CIT: variants seen among roughly 807,000 people sequenced by gnomAD.
CIT encodes the protein citron rho-interacting serine/threonine kinase.
CIT carries 79 observed loss-of-function variants against 272.7 expected under a neutral mutation model. The observed-to-expected ratio is 0.29, with a 90% CI of 0.24 to 0.35. CIT has a LOEUF of 0.35. Ranked by LOEUF, CIT falls within the 10% of genes least tolerant of loss-of-function variation. The probability of loss-of-function intolerance (pLI) is 1.00; values close to 1 mark genes in which losing one functional copy is unlikely to be tolerated. For missense variants in CIT, 1,909 were observed against 2,618.3 expected (o/e 0.73, Z 5.91); for synonymous variants, 948 against 995.6 (o/e 0.95, Z 0.90).
At chr12:119,798,380 T>C (rs547707693) in intron 10 of CIT, among the ~76,000 whole-genome samples, 57 of 152,332 alleles carry the variant, frequency 3.7e-4, no homozygotes, top group African/African-American at 1.3e-3. Flanking sequence ...CACTCAAAGC[T>C]ACATAACTTT....
chr12:119,764,408 AAT>A (rs1962167221), intron 19 of CIT, among the ~76,000 whole-genome samples: 1 of 152,200 alleles, frequency 6.6e-6, no homozygotes, highest in African/African-American at 2.4e-5. Flanking sequence ...ACCCAAATAG[AAT>A]GTCTAGAAGT....
chr12:119,872,558 TAA>T (rs1221180295), intron 2 of CIT, among the ~76,000 whole-genome samples: 2 of 152,164 alleles, frequency 1.3e-5, no homozygotes, highest in African/African-American at 4.8e-5. Context: ...ATCTCAGCAT[TAA>T]AAAGAGATGA....
At position 119,686,501 on chromosome 12, in the gene CIT, A is replaced by G. The variant is rs1206549499; in HGVS notation, c.*1731T>C. On this transcript the variant is annotated 3_prime_UTR_variant, in exon 48 of 48. Transcript: ENST00000392521. The stretch of plus-strand genomic sequence containing the variant: ...AGGCGTTTCAAACAAGAAAGCACTT[A>G]GGTTAAGACACGAGCAGGAAGGAGC... 6.6e-6 allele frequency: 1 copy of G among 152,302 alleles called. No homozygotes were observed. Among genetic ancestry groups the G allele is most frequent in the Non-Finnish European group, 1.5e-5 (1 of 68,086 alleles). 9.4% of individuals were successfully genotyped at this position (152,302 alleles called of 1,614,324 possible).
At chr12:119,815,976 C>T (rs1248492142) in intron 9 of CIT, among the ~76,000 whole-genome samples, 1 of 152,216 alleles carries the variant, frequency 6.6e-6, no homozygotes, top group East Asian at 1.9e-4. Context: ...GTCAGGGAGA[C>T]CTGAGTTTGA....
Position 119,822,737 on chromosome 12 carries a change from T to C in CIT, c.1111+83A>G, listed in dbSNP as rs79086492. 2,004 of 1,450,082 alleles carry C rather than the reference T, an allele frequency of 1.4e-3. 25 individuals carry two copies. The African/African-American group carries it at 0.026, about 19-fold the overall frequency. The allele number at this position is 1,450,082 out of a possible 1,614,324, so 89.8% of individuals were successfully genotyped here. On this transcript the variant is annotated intron_variant, in intron 9 of 47. Coordinates refer to ENST00000392521, the MANE Select transcript of CIT (RefSeq NM_001206999.2). ...TTTATTTATGTAATTTACAGAAGCT[T>C]CTTTGGGCCAGAACAATCTCAGATC...
intron 5 of CIT, among the ~76,000 whole-genome samples, chr12:119,849,839 C>G (rs993717584): frequency 2.6e-5 from 4 of 152,082 alleles, no homozygotes; most frequent in African/African-American, 9.7e-5. Context: ...GCACCCGACA[C>G]CATGCCCGGC....
In CIT at chr12:119,712,659, A is replaced by G. The variant is rs973971201; in HGVS notation, c.4616T>C (p.Leu1539Pro). 3.7e-5 allele frequency: 59 copies of G among 1,614,066 alleles called. No individual in the cohort carries two copies. The highest frequency in any genetic ancestry group is 5.0e-5 in the Non-Finnish European group (59 of 1,180,030). ...ATGAATAGATACATCCCCGTCGGGA[A>G]GGCACAGCTCAAATTCTTCCACCGG... The part of the protein sequence containing the change: ...QRPVEEFELC[L>P]PDGDVSIHGA... The change falls in exon 36 of 48, where the codon CTT becomes CCT. Residue 1539 changes from leucine (L) to proline (P), a missense_variant. Leu to Pro is a moderately conservative substitution (Grantham distance 98). This residue lies in a region of CIT where 780 missense variants were observed against 1,067.2 expected (regional missense o/e 0.73). Transcript: ENST00000392521. This position sits in a 1 kb window ranked among gnomAD's most constrained non-coding sequence, Gnocchi z 5.2.
chr12:119,860,316 C>A lies in CIT; in HGVS notation c.239-2618G>T, dbSNP rs992786118. Among the ~76,000 whole-genome samples, 19 of 152,224 alleles carry A rather than the reference C, an allele frequency of 1.2e-4. No individual in the cohort carries two copies. The East Asian group carries it at 3.7e-3, about 29-fold the overall frequency. On this transcript the variant is annotated intron_variant, in intron 3 of 47. Coordinates refer to ENST00000392521, the MANE Select transcript of CIT (RefSeq NM_001206999.2). ...AACCAGGCAAGAGTGGTGGGTGGAT[C>A]CACATGAAGTCGTGACCACTGTAAA...
At chr12:119,830,552 A>G (rs1205744463) in intron 7 of CIT, among the ~76,000 whole-genome samples, 1 of 152,192 alleles carries the variant, frequency 6.6e-6, no homozygotes, top group East Asian at 1.9e-4. Context: ...CTAATTAATT[A>G]GCTTTCTGAT....
chr12:119,757,713 G>A (rs1005730079), intron 21 of CIT, among the ~76,000 whole-genome samples, 168 bp from the exon 22 acceptor site: 1 of 152,158 alleles, frequency 6.6e-6, no homozygotes, highest in Non-Finnish European at 1.5e-5. Flanking sequence ...GCATGATCCC[G>A]GCATGACGAA....
intron 23 of CIT, among the ~76,000 whole-genome samples, chr12:119,746,049 C>A (rs1422474721): frequency 6.6e-6 from 1 of 152,104 alleles, no homozygotes; most frequent in Non-Finnish European, 1.5e-5. Flanking sequence ...CTGTGGCTAT[C>A]TGCACTATGT....
chr12:119,847,071 G>C (rs989145102), intron 5 of CIT, among the ~76,000 whole-genome samples: 1 of 151,394 alleles, frequency 6.6e-6, no homozygotes. Flanking sequence ...TGCAAGCTCC[G>C]CCTCCCAGGT....
Position 119,712,237 on chromosome 12 carries a change from C to T in CIT, c.4795G>A (p.Ala1599Thr), listed in dbSNP as rs753926457. 5 of 1,613,686 alleles carry T rather than the reference C, an allele frequency of 3.1e-6. No homozygotes were observed. The highest frequency in any genetic ancestry group is 1.1e-5 in the South Asian group (1 of 91,000). ...CCACCTGCGACAACTGATTCTAAGG[C>T]GGTGACCCAGCGCTGTTTGTCAGGG... ...SFPDKQRWVT[A>T]LESVVAGGRV... is the part of the protein sequence containing the mutation. The change falls in exon 37 of 48, where the codon GCC (alanine) becomes ACC (threonine). Residue 1599 changes from alanine to threonine, a missense_variant. Coordinates refer to ENST00000392521, the MANE Select transcript of CIT (RefSeq NM_001206999.2). The surrounding 1 kb of genome is among the most constrained non-coding windows in gnomAD (Gnocchi z 5.2).
Position 119,709,603 on chromosome 12 carries a change from C to T in CIT, c.5071+648G>A, listed in dbSNP as rs542624516. 7.9e-4 allele frequency among the ~76,000 whole-genome samples: 120 copies of T among 152,138 alleles called. 3 individuals carry two copies. In the South Asian group the frequency reaches 0.024, roughly 31 times the overall value. On this transcript the variant is annotated intron_variant, in intron 39 of 47. Coordinates refer to ENST00000392521, the MANE Select transcript of CIT (RefSeq NM_001206999.2). Reference sequence around the variant, plus strand: ...ACTGTTGTTGTTTTGAACACTGAATCGATATATTACTCTTTTCCCCTTTAA... The same window carrying T: ...ACTGTTGTTGTTTTGAACACTGAATTGATATATTACTCTTTTCCCCTTTAA...
rs565288251 is a variant in CIT, at chr12:119,714,061, A to T, written c.4306+136T>A. 109 of 967,848 alleles carry T rather than the reference A, an allele frequency of 1.1e-4. No homozygotes were observed. In the South Asian group the frequency reaches 1.5e-3, roughly 13 times the overall value. The allele number at this position is 967,848 out of a possible 1,614,324, so 60.0% of individuals were successfully genotyped here. A position where few individuals can be genotyped will look rare whatever the true frequency, so the allele number is the denominator to read the frequency against. The stretch of plus-strand genomic sequence containing the variant: ...ACAGCTTCAACAGGGGAAAAATAGC[A>T]TCCTCCTACTGAAGTAAGAAGCTCG... On this transcript the variant is annotated intron_variant, in intron 33 of 47. Coordinates refer to ENST00000392521, the MANE Select transcript of CIT (RefSeq NM_001206999.2).
Position 119,698,010 on chromosome 12 carries a change from C to T in CIT, c.5668G>A (p.Glu1890Lys). 1 of 1,614,172 alleles carries T rather than the reference C, an allele frequency of 6.2e-7. No individual in the cohort carries two copies. The highest frequency in any genetic ancestry group is 8.5e-7 in the Non-Finnish European group (1 of 1,180,022). The change falls in exon 45 of 48, where the codon GAA becomes AAA. Residue 1890 changes from glutamate to lysine, a missense_variant. By Grantham distance (56) the Glu-to-Lys change is moderately conservative. Coordinates refer to ENST00000392521, the MANE Select transcript of CIT (RefSeq NM_001206999.2). Reference protein sequence around the residue: ...YLFVTHFNSLEVIEIQARSSA... With the variant: ...YLFVTHFNSLKVIEIQARSSA... ...GAGCGTGCCTGGATCTCAATTACTTCGAGTGAGTTGAAGTGGGTCACAAAC... is the reference window on the plus strand; with the variant it reads ...GAGCGTGCCTGGATCTCAATTACTTTGAGTGAGTTGAAGTGGGTCACAAAC...
chr12:119,799,226 C>T (rs188125218), intron 10 of CIT, among the ~76,000 whole-genome samples: 1 of 152,296 alleles, frequency 6.6e-6, no homozygotes, highest in East Asian at 1.9e-4. Flanking sequence ...GGACACTATA[C>T]ATACATGGAC....
chr12:119,838,885 G>A (rs1393742305), intron 5 of CIT, among the ~76,000 whole-genome samples: 1 of 152,138 alleles, frequency 6.6e-6, no homozygotes, highest in Non-Finnish European at 1.5e-5. Flanking sequence ...ACCAAGGCAT[G>A]GTAATCAAAG....
intron 46 of CIT, among the ~76,000 whole-genome samples, chr12:119,692,175 A>G (rs771387781): frequency 1.3e-5 from 2 of 152,232 alleles, no homozygotes; most frequent in Non-Finnish European, 1.5e-5. Flanking sequence ...AAAGCCGGGC[A>G]CAGTGATGCA....
Sources: allele counts gnomAD v4.1 joint callset (sites outside exome capture counted in the v4.1 genomes callset), GRCh38; gene constraint gnomAD v4.1.1; regional missense constraint gnomAD v4.1.1; non-coding constraint Gnocchi (gnomAD v3.1); transcripts MANE v1.5; gene names NCBI Gene and HGNC (gene_info 2026-07-23, HGNC 2026-07-21).